SCP2: variants seen among roughly 807,000 people sequenced by gnomAD.
The protein encoded by SCP2 is sterol carrier protein 2, also known as SCP-2/3-oxoacyl-CoA thiolase.
SCP2 carries 48 observed loss-of-function variants against 71.4 expected under a neutral mutation model. The ratio of observed to expected loss-of-function variants is 0.67; its 90% CI spans 0.53 to 0.86. The LOEUF (loss-of-function observed/expected upper bound fraction) is 0.86. Among genes scored for constraint, SCP2 ranks in the 40% least tolerant of loss-of-function variants. SCP2 has a pLI of 0.00. For missense variants in SCP2, 560 were observed against 655.6 expected (o/e 0.85, Z 1.59); for synonymous variants, 220 against 218.1 (o/e 1.01, Z -0.08).
In SCP2 at chr1:52,961,558, ATGGATTGTCTGCTCACCCAGT is replaced by A. The variant is rs1380704064; in HGVS notation, c.455_475del (p.Gly152_Val158del). 6.2e-7 allele frequency: 1 copy of A among 1,613,802 alleles called. No homozygotes were observed. Among genetic ancestry groups the A allele is most frequent in the African/African-American group, 1.3e-5 (1 of 75,038 alleles). On this transcript the variant is annotated inframe_deletion, in exon 6 of 16. Coordinates refer to ENST00000371514, the MANE Select transcript of SCP2 (RefSeq NM_002979.5). ...CATGTTGACCTCCTGATCAATAAGTATGGATTGTCTGCTCACCCAGTTGCTCCTCAGATGTTTGGGTATGCT... is the reference window on the plus strand; with the variant it reads ...CATGTTGACCTCCTGATCAATAAGTATGCTCCTCAGATGTTTGGGTATGCT...
chr1:52,970,968 ATTTT>A (rs1200663958), intron 6 of SCP2, among the ~76,000 whole-genome samples: 1 of 70,976 alleles, frequency 1.4e-5, no homozygotes, highest in African/African-American at 7.2e-5. Flanking sequence ...AGAGACACAG[ATTTT>A]TTTTTTTTTT....
rs1263984651 is a variant in SCP2 at position 52,948,069 on chromosome 1, GCTATGT to G, written c.189_194del (p.Tyr64_Val65del). On this transcript the variant is annotated inframe_deletion, in exon 3 of 16. Transcript: ENST00000371514. ...TCAGCAGTGGACCAGGCATGTGTTG[GCTATGT>G]TTTTGGTATGTATTAAACTGTGTAT... 1.9e-6 allele frequency: 3 copies of G among 1,610,708 alleles called. No individual in the cohort carries two copies. The Admixed American group carries it at 5.0e-5, about 27-fold the overall frequency.
At position 53,004,793 on chromosome 1, in the gene SCP2, G is replaced by A. The variant is rs1358157117; in HGVS notation, c.1082-10097G>A. Among the ~76,000 whole-genome samples the A allele has an allele frequency of 3.3e-5, 5 of 152,314 alleles. No individual in the cohort carries two copies. In the East Asian group the frequency reaches 7.7e-4, roughly 23 times the overall value. On this transcript the variant is annotated intron_variant, in intron 11 of 15. Coordinates refer to ENST00000371514, the MANE Select transcript of SCP2 (RefSeq NM_002979.5). ...TGGGGCTTGTCGGACAGTGGGTGCA[G>A]TCCACGGAGTATGAGCTGAAGCAGG...
intron 13 of SCP2, among the ~76,000 whole-genome samples, chr1:53,032,555 G>A (rs971013407): frequency 1.3e-5 from 2 of 152,198 alleles, no homozygotes; most frequent in South Asian, 2.1e-4. Flanking sequence ...CACTTGGCAC[G>A]TAAGTTCATG....
chr1:53,050,403 T>C (rs1664130344), intron 15 of SCP2: 1 of 511,024 alleles, frequency 2.0e-6, no homozygotes, highest in Non-Finnish European at 3.5e-6. Flanking sequence ...TGCTCCTTTC[T>C]GCTGATCTGC....
chr1:53,013,882 C>CTTTTTTTTTTTTTTTTTTT, intron 11 of SCP2, among the ~76,000 whole-genome samples: 1 of 63,056 alleles, frequency 1.6e-5, no homozygotes, highest in Non-Finnish European at 3.3e-5. Context: ...ATAGAACATT[C>CTTTTTTTTTTTTTTTTTTT]TTTTTTTTTT....
chr1:52,931,362 A>G (rs376993962), intron 1 of SCP2, among the ~76,000 whole-genome samples: 69 of 152,286 alleles, frequency 4.5e-4, no homozygotes, highest in African/African-American at 1.6e-3. Context: ...TATTCTAAGG[A>G]ACAGTTAGGT....
intron 5 of SCP2, among the ~76,000 whole-genome samples, chr1:52,956,902 C>CTTTTTTTTT (rs370787153): frequency 2.8e-5 from 3 of 105,900 alleles, no homozygotes; most frequent in African/African-American, 4.0e-5. Context: ...CTCCTTCTGC[C>CTTTTTTTTT]TTTTTTTTTT....
intron 13 of SCP2, among the ~76,000 whole-genome samples, chr1:53,036,244 G>GAT (rs1296491098): frequency 1.9e-4 from 28 of 149,186 alleles, no homozygotes; most frequent in African/African-American, 5.6e-4. Flanking sequence ...TCCCATTTAA[G>GAT]ATATATATAT....
intron 9 of SCP2, among the ~76,000 whole-genome samples, chr1:52,979,793 ATTT>A (rs796644354): frequency 2.1e-4 from 32 of 152,186 alleles, no homozygotes; most frequent in African/African-American, 7.7e-4. Flanking sequence ...AAATTCTGTC[ATTT>A]TTTAGTACAA....
In SCP2 at chr1:52,995,946, G is replaced by A. The variant is rs76928998; in HGVS notation, c.1081+7810G>A. On this transcript the variant is annotated intron_variant, in intron 11 of 15. Transcript: ENST00000371514. ...GGCTGAGAGCAACATGAACGACCTC[G>A]TCTCTGAGTATCAGCAGTACCAGGA... is the stretch of plus-strand genomic sequence containing the variant. 11,724 of 1,465,858 alleles carry A rather than the reference G, an allele frequency of 8.0e-3. 1,345 individuals carry two copies. The Admixed American group carries it at 0.22, about 28-fold the overall frequency. 90.8% of individuals were successfully genotyped at this position (1,465,858 alleles called of 1,614,324 possible). A position where few individuals can be genotyped will look rare whatever the true frequency, so the allele number is the denominator to read the frequency against.
chr1:53,036,530 A>AAT (rs1006897472), intron 13 of SCP2, among the ~76,000 whole-genome samples: 1 of 148,810 alleles, frequency 6.7e-6, no homozygotes, highest in Non-Finnish European at 1.5e-5. Context: ...GACCTTCTTG[A>AAT]ATATATATAT....
intron 7 of SCP2, 129 bp from the exon 8 acceptor site, chr1:52,976,554 A>G (rs939249081): frequency 4.4e-6 from 3 of 676,216 alleles, no homozygotes; most frequent in Middle Eastern, 7.9e-4. Context: ...GATGACATTT[A>G]TGGCTATTCA....
At chr1:52,933,249 T>C (rs577608278) in intron 1 of SCP2, among the ~76,000 whole-genome samples, 30 of 152,206 alleles carry the variant, frequency 2.0e-4, no homozygotes, top group Admixed American at 6.5e-4. Flanking sequence ...CTTACCAAAG[T>C]TGAGAAAATT....
rs75711349 is a variant in SCP2, at chr1:53,017,397, C to G, written c.1235+2354C>G. ...CTTCTAGCCTCTGGCAACCACTGAT[C>G]TGTTTTCCACCCATGTAGTACTCCT... On this transcript the variant is annotated intron_variant, in intron 12 of 15. Coordinates refer to ENST00000371514, the MANE Select transcript of SCP2 (RefSeq NM_002979.5). 6.2e-3 allele frequency among the ~76,000 whole-genome samples: 949 copies of G among 152,322 alleles called. 16 individuals are homozygous for G. The highest frequency in any genetic ancestry group is 0.022 in the African/African-American group (912 of 41,566).
chr1:52,998,500 G>T (rs1660087382), intron 11 of SCP2, among the ~76,000 whole-genome samples: 1 of 152,160 alleles, frequency 6.6e-6, no homozygotes, highest in African/African-American at 2.4e-5. Flanking sequence ...AGAGGCCGAG[G>T]TAGGGGGATT....
chr1:53,027,400 G>C (rs72903134), intron 12 of SCP2, among the ~76,000 whole-genome samples: 20,895 of 152,060 alleles, frequency 0.14, 2,047 homozygotes, highest in East Asian at 0.33. Context: ...CCTCCACTAG[G>C]ATGTAAGATT....
At position 53,011,767 on chromosome 1, in the gene SCP2, G is replaced by A. The variant is rs142136008; in HGVS notation, c.1082-3123G>A. On this transcript the variant is annotated intron_variant, in intron 11 of 15. Coordinates refer to ENST00000371514, the MANE Select transcript of SCP2 (RefSeq NM_002979.5). ...CCTCATCGGTATCTGTAAAAGAATC[G>A]ATTTGCTATTTGGGGGAAGCCCTCA... Among the ~76,000 whole-genome samples the A allele has an allele frequency of 9.5e-3, 1,452 of 152,262 alleles. 32 individuals carry two copies. The highest frequency in any genetic ancestry group is 0.033 in the African/African-American group (1,382 of 41,554).
chr1:52,980,264 G>T, intron 9 of SCP2, 132 bp from the exon 10 acceptor site: 1 of 813,234 alleles, frequency 1.2e-6, no homozygotes, highest in Non-Finnish European at 1.9e-6. Context: ...ATGAGCCAAT[G>T]CACCTGGGCA....
Sources: allele counts gnomAD v4.1 joint callset (sites outside exome capture counted in the v4.1 genomes callset), GRCh38; gene constraint gnomAD v4.1.1; transcripts MANE v1.5; gene names NCBI Gene and HGNC (gene_info 2026-07-23, HGNC 2026-07-21).